The following RRAS2 variants were observed in gnomAD, a reference collection of about 807,000 sequenced individuals.
RRAS2 encodes the protein ras-related protein R-Ras2.
Under a neutral mutation model 27.6 loss-of-function variants are expected in RRAS2, and 7 were observed. That is an observed-to-expected ratio of 0.25 (90% confidence interval 0.14 to 0.48). The LOEUF (loss-of-function observed/expected upper bound fraction) is 0.48. Among genes scored for constraint, RRAS2 ranks in the 20% least tolerant of loss-of-function variants. The pLI is 0.99. For missense variants in RRAS2, 178 were observed against 256.2 expected, an observed-to-expected ratio of 0.69 and a Z score of 2.08; for synonymous variants, 86 against 90.9, an observed-to-expected ratio of 0.95 and a Z score of 0.31.
In RRAS2 at chr11:14,332,370, G is replaced by A. The variant is rs141480827; in HGVS notation, c.108+26393C>T. Among the ~76,000 whole-genome samples, 29 of 152,248 alleles carry A rather than the reference G, an allele frequency of 1.9e-4. No individual in the cohort carries two copies. The East Asian group carries it at 2.9e-3, about 15-fold the overall frequency. On this transcript the variant is annotated intron_variant, in intron 1 of 5. Transcript: ENST00000256196. ...CTAACTACTAGCCAGGCGTGGTGGCGTGTGCCTGTAGTCCCAGCTACTTGG... is the reference window on the plus strand; with the variant it reads ...CTAACTACTAGCCAGGCGTGGTGGCATGTGCCTGTAGTCCCAGCTACTTGG...
Position 14,299,210 on chromosome 11 carries a change from G to GT in RRAS2, c.109-3356dup, listed in dbSNP as rs567832466. Among the ~76,000 whole-genome samples, 69 of 152,272 alleles carry GT rather than the reference G, an allele frequency of 4.5e-4. 1 individual carries two copies. In the East Asian group the frequency reaches 7.5e-3, roughly 17 times the overall value. On this transcript the variant is annotated intron_variant, in intron 1 of 5. Transcript: ENST00000256196. ...GTCTGAATTAGTGTTTTTTACTCAA[G>GT]TATAAAGATTTGCTAAGCTCAGGAG...
At chr11:14,301,443 C>T (rs1847702310) in intron 1 of RRAS2, among the ~76,000 whole-genome samples, 1 of 152,070 alleles carries the variant, frequency 6.6e-6, no homozygotes, top group Non-Finnish European at 1.5e-5. Flanking sequence ...TTTCTCCCTT[C>T]CTCCTTTTCT....
At chr11:14,318,922 T>C (rs1459309551) in intron 1 of RRAS2, among the ~76,000 whole-genome samples, 5 of 152,226 alleles carry the variant, frequency 3.3e-5, no homozygotes, top group Non-Finnish European at 5.9e-5. Flanking sequence ...TCATTTACTA[T>C]GTGTCAGGCA....
At chr11:14,339,240 G>A (rs1251138136) in intron 1 of RRAS2, among the ~76,000 whole-genome samples, 6 of 116,530 alleles carry the variant, frequency 5.1e-5, no homozygotes, top group African/African-American at 1.3e-4. Flanking sequence ...CCAGTTGTTC[G>A]AGACCAGCCT....
At chr11:14,360,307 G>A (rs1359318675), upstream of RRAS2, among the ~76,000 whole-genome samples, 1 of 151,950 alleles carries the variant, frequency 6.6e-6, no homozygotes, top group African/African-American at 2.4e-5. Flanking sequence ...TTCCAATGAC[G>A]GCATCCCCTG....
At chr11:14,302,819 G>C (rs1422106967) in intron 1 of RRAS2, among the ~76,000 whole-genome samples, 10 of 152,204 alleles carry the variant, frequency 6.6e-5, no homozygotes, top group South Asian at 6.2e-4. Context: ...GGAGGCAGCA[G>C]AATTGAGGGA....
At position 14,278,637 on chromosome 11, in the gene RRAS2, A is replaced by G. The variant is rs1174270674; in HGVS notation, c.*700T>C. 2 of 152,208 alleles carry G rather than the reference A, an allele frequency of 1.3e-5. No homozygotes were observed. Among genetic ancestry groups the G allele is most frequent in the Non-Finnish European group, 2.9e-5 (2 of 68,022 alleles). 9.4% of individuals were successfully genotyped at this position (152,208 alleles called of 1,614,324 possible). ...TTTTTACCCTTAGCGTGGCTGTGAA[A>G]AAGAGTTAAATTAAAAAATCAAGTA... On this transcript the variant is annotated 3_prime_UTR_variant, in exon 6 of 6. Transcript: ENST00000256196.
chr11:14,325,334 C>CA (rs1397168003), intron 1 of RRAS2, among the ~76,000 whole-genome samples: 76 of 136,274 alleles, frequency 5.6e-4, no homozygotes, highest in Middle Eastern at 9.2e-3. Flanking sequence ...TTTTTTGAGA[C>CA]AGAGTCTCGC....
upstream of RRAS2, among the ~76,000 whole-genome samples, chr11:14,362,194 T>C (rs1849199282): frequency 6.6e-6 from 1 of 152,234 alleles, no homozygotes; most frequent in Non-Finnish European, 1.5e-5. Flanking sequence ...TTGGATTGTA[T>C]GCTTTATATG....
At chr11:14,319,345 C>CTT (rs1156654694) in intron 1 of RRAS2, among the ~76,000 whole-genome samples, 59,103 of 91,656 alleles carry the variant, frequency 0.64, 20,660 homozygotes, top group South Asian at 0.79. Flanking sequence ...TTCCCTCTGT[C>CTT]TTTTTTTTTT....
chr11:14,314,994 CAT>C (rs1417762124), intron 1 of RRAS2, among the ~76,000 whole-genome samples: 3 of 152,184 alleles, frequency 2.0e-5, no homozygotes, highest in African/African-American at 7.2e-5. Flanking sequence ...AATGCAAGCA[CAT>C]GTTTTAATAT....
chr11:14,343,575 T>A (rs1018568585), intron 1 of RRAS2, among the ~76,000 whole-genome samples: 1 of 151,932 alleles, frequency 6.6e-6, no homozygotes, highest in African/African-American at 2.4e-5. Context: ...TGTAATCCCA[T>A]CACTTTGGGA....
At chr11:14,316,697 C>A (rs571525037) in intron 1 of RRAS2, among the ~76,000 whole-genome samples, 33 of 152,290 alleles carry the variant, frequency 2.2e-4, no homozygotes, top group African/African-American at 7.7e-4. Flanking sequence ...GAGCTATGAT[C>A]GCACCACTGC....
At chr11:14,284,720 T>C (rs546469032) in intron 4 of RRAS2, among the ~76,000 whole-genome samples, 1 of 152,338 alleles carries the variant, frequency 6.6e-6, no homozygotes. Context: ...GAGGAATTAA[T>C]CTCTTTATCA....
intron 4 of RRAS2, among the ~76,000 whole-genome samples, chr11:14,283,470 G>A (rs1414450558): frequency 2.0e-5 from 3 of 152,164 alleles, no homozygotes; most frequent in African/African-American, 7.2e-5. Flanking sequence ...GGAACACTTT[G>A]TACAGAATCA....
chr11:14,303,539 C>T lies in RRAS2; in HGVS notation c.109-7684G>A, dbSNP rs371442732. On this transcript the variant is annotated intron_variant, in intron 1 of 5. Coordinates refer to ENST00000256196, the MANE Select transcript of RRAS2 (RefSeq NM_012250.6). ...ACTGCTTGAGCCCAGGAGTTTGAGA[C>T]CGGCCTCAGCGACAGAGAGAGACCC... 2.1e-3 allele frequency among the ~76,000 whole-genome samples: 324 copies of T among 152,270 alleles called. 2 individuals carry two copies. The highest frequency in any genetic ancestry group is 6.4e-3 in the African/African-American group (266 of 41,548).
At chr11:14,296,317 G>C (rs1261304188) in intron 1 of RRAS2, among the ~76,000 whole-genome samples, 1 of 152,086 alleles carries the variant, frequency 6.6e-6, no homozygotes, top group Non-Finnish European at 1.5e-5. Context: ...CACTGTACTA[G>C]GGTTTACCCT....
At chr11:14,325,194 C>T (rs562335226) in intron 1 of RRAS2, among the ~76,000 whole-genome samples, 1 of 152,222 alleles carries the variant, frequency 6.6e-6, no homozygotes, top group South Asian at 2.1e-4. Flanking sequence ...TCACCACTTC[C>T]CAGCTTTGTC....
Position 14,279,246 on chromosome 11 carries a change from G to A in RRAS2, c.*91C>T. ...GCTAACATGGTGATCATTTGTCTAA[G>A]GCTAGAAAGGTACCAACAAGATGTA... On this transcript the variant is annotated 3_prime_UTR_variant, in exon 6 of 6. Coordinates refer to ENST00000256196, the MANE Select transcript of RRAS2 (RefSeq NM_012250.6). 1 of 923,156 alleles carries A rather than the reference G, an allele frequency of 1.1e-6. No homozygotes were observed. The highest frequency in any genetic ancestry group is 1.8e-6 in the Non-Finnish European group (1 of 555,940). The allele number at this position is 923,156 out of a possible 1,614,324, so 57.2% of individuals were successfully genotyped here.
Sources: gnomAD v4.1 joint callset for allele counts (sites outside exome capture counted in the v4.1 genomes callset) on GRCh38, gnomAD v4.1.1 for gene constraint, MANE v1.5 for transcripts, NCBI Gene and HGNC (gene_info 2026-07-23, HGNC 2026-07-21) for gene names.